The following CNGA3 variants were observed in gnomAD, a reference collection of about 807,000 sequenced individuals.
The protein encoded by CNGA3 is cyclic nucleotide gated channel subunit alpha 3, also known as cyclic nucleotide-gated channel alpha-3.
CNGA3 carries 42 observed loss-of-function variants against 46.6 expected under a neutral mutation model. That is an observed-to-expected ratio of 0.90 (90% CI 0.70 to 1.17). The LOEUF is 1.17. Among genes scored for constraint, CNGA3 ranks in the 50% most tolerant of loss-of-function variants. CNGA3 has a pLI of 0.00. For synonymous variants in CNGA3, 394 were observed against 369.4 expected, an observed-to-expected ratio of 1.07 and a Z score of -0.76; for missense variants, 893 against 890.7, an observed-to-expected ratio of 1.00 and a Z score of -0.03.
chr2:98,366,082 G>A (rs1217581503), intron 1 of CNGA3, among the ~76,000 whole-genome samples: 1 of 148,454 alleles, frequency 6.7e-6, no homozygotes, highest in Non-Finnish European at 1.5e-5. Flanking sequence ...TGGGATTTTT[G>A]TGGAAACTTT....
At chr2:98,376,841 A>C (rs1232596375) in intron 2 of CNGA3, among the ~76,000 whole-genome samples, 1 of 152,200 alleles carries the variant, frequency 6.6e-6, no homozygotes, top group Non-Finnish European at 1.5e-5. Context: ...CTTCAGCCCC[A>C]GGAGGTTTAA....
At chr2:98,361,468 G>A (rs1692031477) in intron 1 of CNGA3, among the ~76,000 whole-genome samples, 1 of 151,942 alleles carries the variant, frequency 6.6e-6, no homozygotes, top group South Asian at 2.1e-4. Flanking sequence ...CTTTGCTATT[G>A]TGAATAGTGC....
chr2:98,372,230 C>T (rs1440550442), intron 2 of CNGA3, among the ~76,000 whole-genome samples: 1 of 152,246 alleles, frequency 6.6e-6, no homozygotes, highest in Non-Finnish European at 1.5e-5. Context: ...CAGTGACCTC[C>T]AAGCCCAGCT....
intron 5 of CNGA3, among the ~76,000 whole-genome samples, chr2:98,385,638 G>A (rs1417589264): frequency 6.6e-6 from 1 of 152,186 alleles, no homozygotes; most frequent in Non-Finnish European, 1.5e-5. Flanking sequence ...AGTTGCCTCA[G>A]AGCTTTGTGA....
chr2:98,386,154 C>T (rs1364505147), intron 5 of CNGA3, among the ~76,000 whole-genome samples: 1 of 152,154 alleles, frequency 6.6e-6, no homozygotes, highest in Non-Finnish European at 1.5e-5. Context: ...TAAATATTGA[C>T]TTGTGTGGTA....
At chr2:98,380,593 T>A (rs1692515663) in intron 4 of CNGA3, among the ~76,000 whole-genome samples, 1 of 152,096 alleles carries the variant, frequency 6.6e-6, no homozygotes, top group Non-Finnish European at 1.5e-5. Flanking sequence ...CCAGCCTCAT[T>A]TGACCACTCA....
rs1574385459 is a variant in CNGA3 at position 98,389,794 on chromosome 2, G to A, written c.566+20G>A. The stretch of plus-strand genomic sequence containing the variant: ...TTGCAGGTAAGCGACAGGGGTGGAA[G>A]GTGCAGCGGAAAGGGGGAAACCAGG... On this transcript the variant is annotated intron_variant, in intron 6 of 7. Transcript: ENST00000272602. 6.3e-7 allele frequency: 1 copy of A among 1,599,592 alleles called. No individual in the cohort carries two copies. The highest frequency in any genetic ancestry group is 2.2e-5 in the East Asian group (1 of 44,810).
intron 4 of CNGA3, 105 bp from the exon 5 acceptor site, chr2:98,383,283 G>C: frequency 2.8e-6 from 3 of 1,081,084 alleles, no homozygotes; most frequent in African/African-American, 1.6e-5. Flanking sequence ...GCTGGAAGCA[G>C]TGGGATAGGG....
At chr2:98,389,885 G>T in intron 6 of CNGA3, 111 bp downstream of exon 6, 1 of 749,056 alleles carries the variant, frequency 1.3e-6, no homozygotes, top group Non-Finnish European at 2.3e-6. Flanking sequence ...ACCCCTCACG[G>T]CCACCACTTA....
Position 98,369,968 on chromosome 2 carries a change from C to A in CNGA3, c.-8C>A, listed in dbSNP as rs776110553. On this transcript the variant is annotated 5_prime_UTR_variant, in exon 2 of 8. Transcript: ENST00000272602. Reference sequence around the variant, plus strand: ...CATCTGGGGGGCTAAATGTGACAAACCGAGAAGATGGCCAAGATCAACACC... The same window carrying A: ...CATCTGGGGGGCTAAATGTGACAAAACGAGAAGATGGCCAAGATCAACACC... 3 of 1,611,500 alleles carry A rather than the reference C, an allele frequency of 1.9e-6. No individual in the cohort carries two copies. The highest frequency in any genetic ancestry group is 3.3e-5 in the Admixed American group (2 of 59,938).
intron 1 of CNGA3, among the ~76,000 whole-genome samples, chr2:98,361,979 T>C (rs987128767): frequency 6.6e-6 from 1 of 151,992 alleles, no homozygotes; most frequent in African/African-American, 2.4e-5. Context: ...AGTGCTGGGA[T>C]TACAGGCGTG....
chr2:98,354,071 A>G (rs1230868337), intron 1 of CNGA3, among the ~76,000 whole-genome samples: 2 of 152,210 alleles, frequency 1.3e-5, no homozygotes, highest in East Asian at 3.8e-4. Flanking sequence ...ATAGATCCAA[A>G]CCATATCACC....
rs535428783 is a variant in CNGA3 at position 98,366,680 on chromosome 2, G to A, written c.-37-3259G>A. On this transcript the variant is annotated intron_variant, in intron 1 of 7. Transcript: ENST00000272602. ...AGTCTGGCCACGATCTGCCACAGCCGCTATGGTGCACTGTGGGGAATTCCT... is the reference window on the plus strand; with the variant it reads ...AGTCTGGCCACGATCTGCCACAGCCACTATGGTGCACTGTGGGGAATTCCT... Among the ~76,000 whole-genome samples, 5 of 152,340 alleles carry A rather than the reference G, an allele frequency of 3.3e-5. No homozygotes were observed. The East Asian group carries it at 5.8e-4, about 18-fold the overall frequency.
rs370911601 is a variant in CNGA3, at chr2:98,396,849, C to T, written c.1679C>T (p.Ser560Leu). ...ATTCTGAACATCAAGGGGAGCAAGT[C>T]GGGGAACCGCAGGACGGCCAACATC... ...ISILNIKGSK[S>L]GNRRTANIRS... The change falls in exon 8 of 8, where the codon TCG (serine) becomes TTG (leucine). Residue 560 changes from serine (S) to leucine (L), a missense_variant. Coordinates refer to ENST00000272602, the MANE Select transcript of CNGA3 (RefSeq NM_001298.3). 152 of 1,613,996 alleles carry T rather than the reference C, an allele frequency of 9.4e-5. No individual in the cohort carries two copies. Among genetic ancestry groups the T allele is most frequent in the Non-Finnish European group, 1.2e-4 (143 of 1,180,022 alleles).
At chr2:98,379,955 G>C in intron 3 of CNGA3, 1 of 605,000 alleles carries the variant, frequency 1.7e-6, no homozygotes, top group East Asian at 2.8e-5. Context: ...CCTGACTGCA[G>C]GGTGGAGGGA....
chr2:98,362,527 G>C (rs1692058447), intron 1 of CNGA3, among the ~76,000 whole-genome samples: 1 of 151,686 alleles, frequency 6.6e-6, no homozygotes, highest in African/African-American at 2.4e-5. Flanking sequence ...ATTCATTTAA[G>C]TTCCTTATAG....
rs1281476176 is a variant in CNGA3 at position 98,398,060 on chromosome 2, G to C, written c.*805G>C. On this transcript the variant is annotated 3_prime_UTR_variant, in exon 8 of 8. Transcript: ENST00000272602. ...GACCTATTCTAACTCAAGGAGGAGA[G>C]CTATGTACAGGGAGAGCATTTTAGA... The C allele has an allele frequency of 6.6e-6, 1 of 152,378 alleles. No individual in the cohort carries two copies. The highest frequency in any genetic ancestry group is 1.5e-5 in the Non-Finnish European group (1 of 68,200). The allele number at this position is 152,378 out of a possible 1,614,324, so 9.4% of individuals were successfully genotyped here. A position where few individuals can be genotyped will look rare whatever the true frequency, so the allele number is the denominator to read the frequency against.
intron 5 of CNGA3, among the ~76,000 whole-genome samples, chr2:98,387,694 G>A (rs969483529): frequency 1.3e-5 from 2 of 152,134 alleles, no homozygotes; most frequent in Non-Finnish European, 1.5e-5. Flanking sequence ...CCACATTTGC[G>A]AACCTGCGAC....
intron 1 of CNGA3, among the ~76,000 whole-genome samples, chr2:98,364,745 GC>G (rs1692107780): frequency 6.6e-6 from 1 of 152,154 alleles, no homozygotes; most frequent in African/African-American, 2.4e-5. Context: ...TTTTGTAGTG[GC>G]TGATAACAGT....
Sources: gnomAD v4.1 joint callset for allele counts (sites outside exome capture counted in the v4.1 genomes callset) on GRCh38, gnomAD v4.1.1 for gene constraint, MANE v1.5 for transcripts, NCBI Gene and HGNC (gene_info 2026-07-23, HGNC 2026-07-21) for gene names.